KCNC2: variants seen among roughly 807,000 people sequenced by gnomAD.
The protein encoded by KCNC2 is potassium voltage-gated channel subfamily C member 2, also known as voltage-gated potassium channel KCNC2.
A neutral mutation model predicts 44.5 loss-of-function variants in KCNC2; 21 were observed. That is an observed-to-expected ratio of 0.47 (90% CI 0.33 to 0.68). The LOEUF is 0.68. Among genes scored for constraint, KCNC2 ranks in the 30% least tolerant of loss-of-function variants. KCNC2 has a pLI of 0.01. For missense variants in KCNC2, 589 were observed against 826.2 expected, an observed-to-expected ratio of 0.71 and a Z score of 3.52; for synonymous variants, 391 against 339.1, an observed-to-expected ratio of 1.15 and a Z score of -1.68.
chr12:75,133,720 A>T (rs1408500603), intron 2 of KCNC2, among the ~76,000 whole-genome samples: 1 of 152,012 alleles, frequency 6.6e-6, no homozygotes, highest in Non-Finnish European at 1.5e-5. Context: ...TTATATAAAA[A>T]TAGAGAATCT....
At chr12:75,072,384 A>G (rs918490737) in intron 2 of KCNC2, among the ~76,000 whole-genome samples, 10 of 152,170 alleles carry the variant, frequency 6.6e-5, no homozygotes, top group Non-Finnish European at 1.3e-4. Flanking sequence ...AGTTAAGGAA[A>G]TTTAAAAAAA....
chr12:75,180,437 A>G (rs1951310751), intron 2 of KCNC2, among the ~76,000 whole-genome samples: 1 of 151,808 alleles, frequency 6.6e-6, no homozygotes, highest in Admixed American at 6.6e-5. Flanking sequence ...GATATGCACA[A>G]TTTATTGTGA....
chr12:75,055,953 T>G (rs1334669676), intron 2 of KCNC2, among the ~76,000 whole-genome samples: 1 of 152,116 alleles, frequency 6.6e-6, no homozygotes, highest in Non-Finnish European at 1.5e-5. Flanking sequence ...CTATAACATA[T>G]TCACAAATGC....
chr12:75,171,442 T>G (rs558061837), intron 2 of KCNC2, among the ~76,000 whole-genome samples: 31 of 152,028 alleles, frequency 2.0e-4, no homozygotes, highest in African/African-American at 7.5e-4. Context: ...TTGCAAATCA[T>G]GCTTTTCTCA....
chr12:75,106,916 C>T (rs1886832747), intron 2 of KCNC2, among the ~76,000 whole-genome samples: 1 of 152,168 alleles, frequency 6.6e-6, no homozygotes, highest in Non-Finnish European at 1.5e-5. Flanking sequence ...TTGATATATA[C>T]TAATGAATAA....
chr12:75,163,461 G>A (rs1891250571), intron 2 of KCNC2, among the ~76,000 whole-genome samples: 1 of 151,726 alleles, frequency 6.6e-6, no homozygotes, highest in South Asian at 2.1e-4. Flanking sequence ...TGGAACAAAT[G>A]CATTTAAGTT....
rs905741058 is a variant in KCNC2, at chr12:75,105,932, T to G, written c.688-54615A>C. On this transcript the variant is annotated intron_variant, in intron 2 of 4. Coordinates refer to ENST00000549446, the MANE Select transcript of KCNC2 (RefSeq NM_139137.4). ...ATTTCTTTCTTTTTTTTTTTAGACT[T>G]GGGGAGATCACTTATAGAGAGAGAG... Among the ~76,000 whole-genome samples the G allele has an allele frequency of 2.2e-4, 33 of 151,682 alleles. 1 individual carries two copies. The highest frequency in any genetic ancestry group is 1.5e-5 in the Non-Finnish European group (1 of 67,920).
intron 2 of KCNC2, among the ~76,000 whole-genome samples, chr12:75,181,176 CTTAG>C (rs1408083956): frequency 2.0e-5 from 3 of 152,032 alleles, no homozygotes; most frequent in Non-Finnish European, 4.4e-5. Context: ...TAAAATGCAA[CTTAG>C]TTAGATTCCA....
intron 2 of KCNC2, among the ~76,000 whole-genome samples, chr12:75,068,660 A>G (rs1156707369): frequency 6.6e-6 from 1 of 152,234 alleles, no homozygotes; most frequent in Non-Finnish European, 1.5e-5. Flanking sequence ...ACATTAAAAA[A>G]GGGATTTGAG....
At chr12:75,109,109 A>G (rs995270094) in intron 2 of KCNC2, among the ~76,000 whole-genome samples, 3 of 152,162 alleles carry the variant, frequency 2.0e-5, no homozygotes, top group Non-Finnish European at 4.4e-5. Context: ...TTAAAACAGG[A>G]CACTTGCTAT....
In KCNC2 at chr12:75,042,582, C is replaced by G. The variant is rs1880034043; in HGVS notation, c.*523G>C. 2.2e-6 allele frequency: 3 copies of G among 1,367,514 alleles called. No individual in the cohort carries two copies. The highest frequency in any genetic ancestry group is 2.8e-6 in the Non-Finnish European group (3 of 1,061,998). 84.7% of individuals were successfully genotyped at this position (1,367,514 alleles called of 1,614,324 possible). A position where few individuals can be genotyped will look rare whatever the true frequency, so the allele number is the denominator to read the frequency against. On this transcript the variant is annotated 3_prime_UTR_variant, in exon 5 of 5. Transcript: ENST00000549446. ...TTCATATCAGCAGGATGGTTCGATG[C>G]AAGTACACATATCCTGAGCTATCCA...
At chr12:75,159,364 GCTCCCCC>G (rs200854504) in intron 2 of KCNC2, among the ~76,000 whole-genome samples, 2,209 of 150,018 alleles carry the variant, frequency 0.015, 18 homozygotes, top group South Asian at 0.049. Context: ...AGTTTTTGCT[GCTCCCCC>G]AATAAAAGTT....
At chr12:75,114,202 C>T (rs1216488692) in intron 2 of KCNC2, among the ~76,000 whole-genome samples, 1 of 152,130 alleles carries the variant, frequency 6.6e-6, no homozygotes, top group Non-Finnish European at 1.5e-5. Context: ...GACTTTTTGG[C>T]TTACAGACCC....
rs542835391 is a variant in KCNC2, at chr12:75,187,401, C to T, written c.687+19896G>A. On this transcript the variant is annotated intron_variant, in intron 2 of 4. Transcript: ENST00000549446. ...TTACTTCAAATGACAATTTACCAAA[C>T]ACTGGAAAATCAGTCTCATTGAATT... Among the ~76,000 whole-genome samples the T allele has an allele frequency of 2.6e-5, 4 of 152,330 alleles. No homozygotes were observed. The South Asian group carries it at 8.3e-4, about 32-fold the overall frequency.
rs184055316 is a variant in KCNC2 at position 75,051,336 on chromosome 12, T to C, written c.688-19A>G. 1,282 of 1,384,412 alleles carry C rather than the reference T, an allele frequency of 9.3e-4. 3 individuals are homozygous for C. Among genetic ancestry groups the C allele is most frequent in the Non-Finnish European group, 8.9e-4 (900 of 1,008,422 alleles). 85.8% of individuals were successfully genotyped at this position (1,384,412 alleles called of 1,614,324 possible). A position where few individuals can be genotyped will look rare whatever the true frequency, so the allele number is the denominator to read the frequency against. ...CAATAAACTGTAGAGGAAAAAGAAATAAAAAAACCCATAGTGATCTGAATC... is the reference window on the plus strand; with the variant it reads ...CAATAAACTGTAGAGGAAAAAGAAACAAAAAAACCCATAGTGATCTGAATC... On this transcript the variant is annotated intron_variant, in intron 2 of 4. Coordinates refer to ENST00000549446, the MANE Select transcript of KCNC2 (RefSeq NM_139137.4).
intron 2 of KCNC2, chr12:75,124,035 G>A (rs541141315): frequency 1.2e-4 from 19 of 152,110 alleles, no homozygotes; most frequent in Non-Finnish European, 2.6e-4. Flanking sequence ...AGGTCAAAGC[G>A]TTCAAATCTT....
At chr12:75,132,417 T>G (rs1888919227) in intron 2 of KCNC2, among the ~76,000 whole-genome samples, 1 of 152,172 alleles carries the variant, frequency 6.6e-6, no homozygotes, top group African/African-American at 2.4e-5. Flanking sequence ...TAATATAGTG[T>G]TAATGCCAGA....
chr12:75,200,346 C>T (rs931499861), intron 2 of KCNC2, among the ~76,000 whole-genome samples: 1 of 151,786 alleles, frequency 6.6e-6, no homozygotes, highest in African/African-American at 2.4e-5. Flanking sequence ...GGCAGTTGTG[C>T]CAGATGATTG....
At chr12:75,187,886 A>G (rs1156464470) in intron 2 of KCNC2, among the ~76,000 whole-genome samples, 2 of 152,196 alleles carry the variant, frequency 1.3e-5, no homozygotes, top group Non-Finnish European at 2.9e-5. Flanking sequence ...TCCTCAGAGT[A>G]TTGCCTTTGT....
Sources: allele counts gnomAD v4.1 joint callset (sites outside exome capture counted in the v4.1 genomes callset), GRCh38; gene constraint gnomAD v4.1.1; transcripts MANE v1.5; gene names NCBI Gene and HGNC (gene_info 2026-07-23, HGNC 2026-07-21).